The following ARMC9 variants were observed in gnomAD, a reference collection of about 807,000 sequenced individuals.
ARMC9 encodes the protein lisH domain-containing protein ARMC9.
A neutral mutation model predicts 107.0 loss-of-function variants in ARMC9; 94 were observed. The observed-to-expected ratio is 0.88, with a 90% CI of 0.74 to 1.04. The LOEUF is 1.04. ARMC9 is among the 50% of genes least tolerant of loss of function. The pLI is 0.00. For missense variants in ARMC9, 942 were observed against 1,030.1 expected (o/e 0.91, Z 1.17); for synonymous variants, 380 against 396.9 (o/e 0.96, Z 0.51).
Position 231,331,782 on chromosome 2 carries a change from TC to T in ARMC9, c.1774-9del. ...GTGTCCATGGCATTCACCCCATGTC[TC>T]CTGAAACAGGAGGACCATGACATCA... On this transcript the variant is annotated splice_polypyrimidine_tract_variant and intron_variant, in intron 19 of 24. Transcript: ENST00000611582. 2 of 1,612,646 alleles carry T rather than the reference TC, an allele frequency of 1.2e-6. No homozygotes were observed. The highest frequency in any genetic ancestry group is 1.7e-6 in the Non-Finnish European group (2 of 1,178,872).
intron 6 of ARMC9, among the ~76,000 whole-genome samples, chr2:231,224,294 A>G (rs892732888): frequency 1.3e-5 from 2 of 152,204 alleles, no homozygotes; most frequent in African/African-American, 4.8e-5. Context: ...AAAAAGTACA[A>G]AAAGTTAGCT....
intron 18 of ARMC9, among the ~76,000 whole-genome samples, chr2:231,291,814 CAA>C (rs1164137086): frequency 7.7e-6 from 1 of 130,154 alleles, no homozygotes; most frequent in Non-Finnish European, 1.6e-5. Flanking sequence ...GACTCCATCT[CAA>C]AAAAAAAAAA....
At chr2:231,212,560 T>G (rs1204217206) in intron 3 of ARMC9, among the ~76,000 whole-genome samples, 1 of 152,214 alleles carries the variant, frequency 6.6e-6, no homozygotes, top group African/African-American at 2.4e-5. Flanking sequence ...GAGCTCTTGG[T>G]CACCGCACTT....
intron 4 of ARMC9, among the ~76,000 whole-genome samples, 197 bp from the exon 5 acceptor site, chr2:231,216,441 G>C (rs748318448): frequency 6.6e-6 from 1 of 152,174 alleles, no homozygotes; most frequent in Non-Finnish European, 1.5e-5. Context: ...ATAGTTGTCT[G>C]ATCTTCCTGA....
At chr2:231,292,082 C>T (rs984698736) in intron 18 of ARMC9, among the ~76,000 whole-genome samples, 10 of 151,100 alleles carry the variant, frequency 6.6e-5, no homozygotes, top group Non-Finnish European at 1.3e-4. Context: ...GCAGGAGAAT[C>T]GCTTGAACCT....
At chr2:231,316,042 G>A (rs1050675136) in intron 19 of ARMC9, among the ~76,000 whole-genome samples, 6 of 152,048 alleles carry the variant, frequency 3.9e-5, no homozygotes, top group African/African-American at 1.4e-4. Flanking sequence ...GCATCAGTAG[G>A]CTCGATTTCT....
At chr2:231,316,463 C>G (rs892473477) in intron 19 of ARMC9, among the ~76,000 whole-genome samples, 8 of 151,842 alleles carry the variant, frequency 5.3e-5, no homozygotes, top group African/African-American at 1.9e-4. Flanking sequence ...GAGTTCGAGA[C>G]CAGCCTGGCC....
At chr2:231,216,940 T>G (rs1041663108) in intron 5 of ARMC9, 147 bp downstream of exon 5, 16 of 1,078,032 alleles carry the variant, frequency 1.5e-5, no homozygotes, top group Non-Finnish European at 2.1e-5. Context: ...ATAATTTGTT[T>G]AGTCAGTCTC....
intron 24 of ARMC9, among the ~76,000 whole-genome samples, chr2:231,371,222 G>A (rs1575208379): frequency 1.3e-5 from 2 of 152,242 alleles, no homozygotes; most frequent in South Asian, 2.1e-4. Context: ...GCAGCATAGC[G>A]TGGCCACGGT....
intron 12 of ARMC9, 29 bp downstream of exon 12, chr2:231,262,427 C>G: frequency 6.4e-7 from 1 of 1,571,896 alleles, no homozygotes; most frequent in Non-Finnish European, 8.8e-7. Context: ...CAGATCCCAG[C>G]CAGGGCCTTC....
chr2:231,325,011 C>T (rs2043234340), intron 19 of ARMC9, among the ~76,000 whole-genome samples: 1 of 151,924 alleles, frequency 6.6e-6, no homozygotes, highest in Non-Finnish European at 1.5e-5. Flanking sequence ...ATCACTTGAG[C>T]TCAAGAGTTT....
intron 12 of ARMC9, among the ~76,000 whole-genome samples, chr2:231,268,152 T>A (rs1212685051): frequency 1.3e-5 from 2 of 152,322 alleles, no homozygotes; most frequent in South Asian, 4.1e-4. Context: ...AGGAGCCAAG[T>A]AACATGAATC....
chr2:231,363,371 G>C (rs1575188896), intron 23 of ARMC9, among the ~76,000 whole-genome samples: 1 of 152,310 alleles, frequency 6.6e-6, no homozygotes, highest in Middle Eastern at 3.4e-3. Flanking sequence ...GGAAGCCCTT[G>C]GGGCAGAGGT....
intron 9 of ARMC9, among the ~76,000 whole-genome samples, chr2:231,253,797 T>A (rs112678292): frequency 6.6e-6 from 1 of 151,640 alleles, no homozygotes; most frequent in African/African-American, 2.4e-5. Context: ...ACAACAGAGG[T>A]AGGAAAGGGG....
intron 22 of ARMC9, 128 bp downstream of exon 22, chr2:231,356,062 G>A (rs1054997943): frequency 1.5e-5 from 18 of 1,236,726 alleles, no homozygotes; most frequent in South Asian, 5.0e-5. Context: ...CAACAGCCCC[G>A]TGTCACAGAG....
At chr2:231,242,217 C>T (rs1334601015) in intron 9 of ARMC9, among the ~76,000 whole-genome samples, 2 of 151,514 alleles carry the variant, frequency 1.3e-5, no homozygotes, top group African/African-American at 4.9e-5. Flanking sequence ...GGTGCTAAGA[C>T]CCGGGATAAT....
intron 12 of ARMC9, among the ~76,000 whole-genome samples, chr2:231,265,195 A>C (rs1023021319): frequency 2.0e-5 from 3 of 152,184 alleles, no homozygotes; most frequent in African/African-American, 4.8e-5. Flanking sequence ...AACAGTACGG[A>C]GATTCCTTAA....
rs1226792859 is a variant in ARMC9, at chr2:231,262,366, A to G, written c.1087A>G (p.Asn363Asp). Reference protein sequence around the residue: ...RETVLQAYISNDLLDCYSHNQ... With the variant: ...RETVLQAYISDDLLDCYSHNQ... ...GACCGTTCTGCAAGCCTACATCAGC[A>G]ATGACCTCTTGGACTGTTATAGCCA... The change falls in exon 12 of 25, where the codon AAT becomes GAT. Residue 363 changes from asparagine to aspartate, a missense_variant. Transcript: ENST00000611582. 1 of 1,614,096 alleles carries G rather than the reference A, an allele frequency of 6.2e-7. No individual in the cohort carries two copies. The highest frequency in any genetic ancestry group is 8.5e-7 in the Non-Finnish European group (1 of 1,180,032).
At chr2:231,278,144 A>G (rs777644521) in intron 15 of ARMC9, among the ~76,000 whole-genome samples, 4 of 152,154 alleles carry the variant, frequency 2.6e-5, no homozygotes, top group African/African-American at 9.7e-5. Flanking sequence ...CTTTACATAC[A>G]TTAGTCTACT....
Sources: allele counts gnomAD v4.1 joint callset (sites outside exome capture counted in the v4.1 genomes callset), GRCh38; gene constraint gnomAD v4.1.1; transcripts MANE v1.5; gene names NCBI Gene and HGNC (gene_info 2026-07-23, HGNC 2026-07-21).